ZBTB16: variants seen among roughly 807,000 people sequenced by gnomAD.
ZBTB16 encodes zinc finger and BTB domain-containing protein 16.
ZBTB16 carries 8 observed loss-of-function variants against 56.8 expected under a neutral mutation model. The ratio of observed to expected loss-of-function variants is 0.14; its 90% CI spans 0.08 to 0.25. ZBTB16 has a LOEUF of 0.25. ZBTB16 is among the 10% of genes least tolerant of loss of function. The pLI is 1.00. For synonymous variants in ZBTB16, 363 were observed against 368.5 expected, an observed-to-expected ratio of 0.98 and a Z score of 0.17; for missense variants, 625 against 903.0, an observed-to-expected ratio of 0.69 and a Z score of 3.95.
Position 114,096,453 on chromosome 11 carries a change from T to G in ZBTB16, c.1268+31885T>G, listed in dbSNP as rs116730439. ...AGACCTCTGTGGTCTCCTGTGTGCT[T>G]CTTCGTCCTAAAATGTCAGCATGCT... On this transcript the variant is annotated intron_variant, in intron 2 of 6. Coordinates refer to ENST00000335953, the MANE Select transcript of ZBTB16 (RefSeq NM_006006.6). Among the ~76,000 whole-genome samples the G allele has an allele frequency of 3.4e-3, 518 of 152,350 alleles. 5 individuals are homozygous for G. The highest frequency in any genetic ancestry group is 0.014 in the Middle Eastern group (4 of 294).
intron 2 of ZBTB16, among the ~76,000 whole-genome samples, chr11:114,144,901 G>C (rs1942058065): frequency 6.6e-6 from 1 of 152,208 alleles, no homozygotes; most frequent in South Asian, 2.1e-4. Context: ...TTAGACGTGG[G>C]CTGGAGGGTA....
rs1194050662 is a variant in ZBTB16 at position 114,256,134 on chromosome 11, C to T, written c.*5579C>T. On this transcript the variant is annotated 3_prime_UTR_variant, in exon 7 of 7. Coordinates refer to ENST00000335953, the MANE Select transcript of ZBTB16 (RefSeq NM_006006.6). ...AAGCTCTGTATTACACATATTTAGA[C>T]TTATCTATGTGTCACTTTTATGCCA... Among the ~76,000 whole-genome samples, 2 of 151,400 alleles carry T rather than the reference C, an allele frequency of 1.3e-5. No individual in the cohort carries two copies. The highest frequency in any genetic ancestry group is 2.9e-5 in the Non-Finnish European group (2 of 67,938).
intron 2 of ZBTB16, among the ~76,000 whole-genome samples, chr11:114,084,264 A>G (rs1939884663): frequency 6.6e-6 from 1 of 152,126 alleles, no homozygotes. Context: ...CCAGGCTTAC[A>G]CATTGCTCCA....
chr11:114,091,337 A>T (rs888109752), intron 2 of ZBTB16, among the ~76,000 whole-genome samples: 3 of 152,026 alleles, frequency 2.0e-5, no homozygotes, highest in African/African-American at 7.2e-5. Flanking sequence ...ACAGAGTGGG[A>T]CCCTGTCTCA....
chr11:114,076,974 G>A (rs77703102), intron 2 of ZBTB16, among the ~76,000 whole-genome samples: 3,023 of 152,260 alleles, frequency 0.02, 258 homozygotes, highest in Admixed American at 0.16. Flanking sequence ...CAACGGCTGG[G>A]GGGGAGAATA....
At chr11:114,110,482 C>T (rs377613162) in intron 2 of ZBTB16, among the ~76,000 whole-genome samples, 4 of 152,260 alleles carry the variant, frequency 2.6e-5, no homozygotes, top group East Asian at 1.9e-4. Context: ...AAGAATTTGC[C>T]GATGCCAAGG....
chr11:114,198,050 C>T (rs953801961), intron 4 of ZBTB16, among the ~76,000 whole-genome samples: 1 of 151,816 alleles, frequency 6.6e-6, no homozygotes, highest in African/African-American at 2.4e-5. Flanking sequence ...CCAAACGAAC[C>T]TCAAACCTCT....
intron 2 of ZBTB16, among the ~76,000 whole-genome samples, chr11:114,130,281 A>C (rs779684792): frequency 3.3e-5 from 5 of 152,110 alleles, no homozygotes; most frequent in Admixed American, 3.3e-4. Flanking sequence ...CGCCAGCTGC[A>C]TTGTCTTTGG....
intron 3 of ZBTB16, among the ~76,000 whole-genome samples, chr11:114,166,829 C>A (rs1942770836): frequency 6.6e-6 from 1 of 152,152 alleles, no homozygotes; most frequent in Non-Finnish European, 1.5e-5. Flanking sequence ...GCCCCATGAC[C>A]TTTGGGGCTC....
intron 3 of ZBTB16, among the ~76,000 whole-genome samples, chr11:114,159,943 G>GGGGT (rs1430328211): frequency 1.4e-5 from 2 of 145,006 alleles, no homozygotes; most frequent in African/African-American, 5.4e-5. Flanking sequence ...GAGGCGGGGG[G>GGGGT]GAGGCGAGCA....
Position 114,119,708 on chromosome 11 carries a change from G to A in ZBTB16, c.1269-36629G>A, listed in dbSNP as rs144506081. Among the ~76,000 whole-genome samples, 42 of 152,292 alleles carry A rather than the reference G, an allele frequency of 2.8e-4. No homozygotes were observed. In the East Asian group the frequency reaches 6.6e-3, roughly 24 times the overall value. ...CTCTCATCTCATGAGCACCTGTATC[G>A]TGTCAGTCTCTGAGTTAGGTTCTTT... On this transcript the variant is annotated intron_variant, in intron 2 of 6. Coordinates refer to ENST00000335953, the MANE Select transcript of ZBTB16 (RefSeq NM_006006.6).
chr11:114,245,389 A>T (rs1260929742), intron 5 of ZBTB16, among the ~76,000 whole-genome samples: 1 of 152,172 alleles, frequency 6.6e-6, no homozygotes, highest in African/African-American at 2.4e-5. Flanking sequence ...TGATTCCCTG[A>T]TGGAAGTGCC....
At chr11:114,221,553 C>T (rs1944232686) in intron 4 of ZBTB16, among the ~76,000 whole-genome samples, 1 of 152,144 alleles carries the variant, frequency 6.6e-6, no homozygotes, top group Non-Finnish European at 1.5e-5. Context: ...ACATTCATTC[C>T]CCTTCTCCAC....
At chr11:114,211,483 C>T (rs1391526763) in intron 4 of ZBTB16, among the ~76,000 whole-genome samples, 1 of 152,208 alleles carries the variant, frequency 6.6e-6, no homozygotes, top group African/African-American at 2.4e-5. Flanking sequence ...ACAGGATACA[C>T]ATGAAGTGCT....
intron 4 of ZBTB16, among the ~76,000 whole-genome samples, chr11:114,199,254 C>A (rs1236181216): frequency 7.0e-6 from 1 of 142,036 alleles, no homozygotes; most frequent in Non-Finnish European, 1.5e-5. Flanking sequence ...GACGGGGATG[C>A]CGGACATGGA....
At position 114,235,753 on chromosome 11, in the gene ZBTB16, CTTCCTTCCTTCCTTCG is replaced by C. The variant is rs1467384867; in HGVS notation, c.1454-6398_1454-6383del. Among the ~76,000 whole-genome samples the C allele has an allele frequency of 3.7e-3, 513 of 138,038 alleles. 2 individuals carry two copies. Among genetic ancestry groups the C allele is most frequent in the African/African-American group, 0.013 (472 of 36,146 alleles). The allele number at this position is 138,038 out of a possible 152,430, so 90.6% of individuals were successfully genotyped here. On this transcript the variant is annotated intron_variant, in intron 4 of 6. Transcript: ENST00000335953. The stretch of plus-strand genomic sequence containing the variant: ...TTCTTTCTTTTCTTTTCTTTCCTTC[CTTCCTTCCTTCCTTCG>C]TTCCTTCCTTCCTTCCTTCTCCTTT...
intron 4 of ZBTB16, among the ~76,000 whole-genome samples, chr11:114,203,955 T>C (rs7947861): frequency 0.054 from 8,196 of 152,144 alleles, 742 homozygotes; most frequent in African/African-American, 0.19. Flanking sequence ...GACGGGGTAG[T>C]TGCGTCTGTG....
At chr11:114,134,694 C>T (rs958826120) in intron 2 of ZBTB16, among the ~76,000 whole-genome samples, 1 of 152,114 alleles carries the variant, frequency 6.6e-6, no homozygotes, top group African/African-American at 2.4e-5. Flanking sequence ...ACTGAAAATC[C>T]TCAAATGTGC....
rs563703385 is a variant in ZBTB16 at position 114,196,641 on chromosome 11, T to A, written c.1453+9603T>A. Among the ~76,000 whole-genome samples, 13 of 152,332 alleles carry A rather than the reference T, an allele frequency of 8.5e-5. 1 individual carries two copies. In the South Asian group the frequency reaches 2.7e-3, roughly 32 times the overall value. ...TTCATTTCCTCATTCTCTGAGTTTTTAAGTACCTACTGTATGCTAGGTGCT... is the reference window on the plus strand; with the variant it reads ...TTCATTTCCTCATTCTCTGAGTTTTAAAGTACCTACTGTATGCTAGGTGCT... On this transcript the variant is annotated intron_variant, in intron 4 of 6. Coordinates refer to ENST00000335953, the MANE Select transcript of ZBTB16 (RefSeq NM_006006.6).
Sources: allele counts gnomAD v4.1 joint callset (sites outside exome capture counted in the v4.1 genomes callset), GRCh38; gene constraint gnomAD v4.1.1; transcripts MANE v1.5; gene names NCBI Gene and HGNC (gene_info 2026-07-23, HGNC 2026-07-21).